Variants in EBF3 observed in about 807,000 individuals in gnomAD.
EBF3 encodes the protein EBF transcription factor 3.
A neutral mutation model predicts 77.1 loss-of-function variants in EBF3; 18 were observed. The ratio of observed to expected loss-of-function variants is 0.23; its 90% confidence interval spans 0.16 to 0.35. The LOEUF (loss-of-function observed/expected upper bound fraction) is 0.35. Among genes scored for constraint, EBF3 ranks in the 10% least tolerant of loss-of-function variants. The probability of loss-of-function intolerance (pLI) is 1.00; values close to 1 mark genes in which losing one functional copy is unlikely to be tolerated. For synonymous variants in EBF3, 350 were observed against 343.5 expected, an observed-to-expected ratio of 1.02 and a Z score of -0.21; for missense variants, 558 against 860.0, an observed-to-expected ratio of 0.65 and a Z score of 4.39.
intron 6 of EBF3, among the ~76,000 whole-genome samples, chr10:129,916,090 C>A (rs1855868666): frequency 6.6e-6 from 1 of 152,240 alleles, no homozygotes. Flanking sequence ...GGGACATGCC[C>A]CTCCAGCCAT....
At position 129,943,536 on chromosome 10, in the gene EBF3, T is replaced by C. The variant is rs1857944556; in HGVS notation, c.554+13722A>G. Among the ~76,000 whole-genome samples the C allele has an allele frequency of 6.6e-6, 1 of 152,180 alleles. No individual in the cohort carries two copies. Among genetic ancestry groups the C allele is most frequent in the African/African-American group, 2.4e-5 (1 of 41,442 alleles). On this transcript the variant is annotated intron_variant, in intron 6 of 16. Transcript: ENST00000440978. The surrounding 1 kb of genome is among the most constrained non-coding windows in gnomAD (Gnocchi z 8.8). ...TAATTTCTTTCAGCTGGACCTGGCCTCCAGCGCACTTGGATGCTAGGGATG... is the reference window on the plus strand; with the variant it reads ...TAATTTCTTTCAGCTGGACCTGGCCCCCAGCGCACTTGGATGCTAGGGATG...
chr10:129,925,604 A>AAAG (rs972175866), intron 6 of EBF3, among the ~76,000 whole-genome samples: 8 of 151,224 alleles, frequency 5.3e-5, no homozygotes, highest in Non-Finnish European at 8.8e-5. Context: ...AAAAAAAAAA[A>AAAG]AAAGAAAGAA....
intron 6 of EBF3, among the ~76,000 whole-genome samples, chr10:129,912,042 G>A (rs756932105): frequency 3.9e-5 from 6 of 152,322 alleles, no homozygotes; most frequent in Non-Finnish European, 4.4e-5. Flanking sequence ...GGGACTCCCC[G>A]TGAAGGAATG....
At chr10:129,954,616 C>G (rs944986698) in intron 6 of EBF3, among the ~76,000 whole-genome samples, 1 of 152,106 alleles carries the variant, frequency 6.6e-6, no homozygotes, top group Non-Finnish European at 1.5e-5. Flanking sequence ...GGGAGAGGCT[C>G]GGTGTGGGTT....
rs143982668 is a variant in EBF3, at chr10:129,928,133, C to T, written c.554+29125G>A. Among the ~76,000 whole-genome samples the T allele has an allele frequency of 3.1e-3, 474 of 152,294 alleles. 4 individuals carry two copies. Among genetic ancestry groups the T allele is most frequent in the African/African-American group, 0.011 (448 of 41,554 alleles). On this transcript the variant is annotated intron_variant, in intron 6 of 16. Transcript: ENST00000440978. Reference sequence around the variant, plus strand: ...CCGAGTAAAGAACAGTTCGGTCAGCCTCATGCGAAAACGACTCAGGCAGAA... The same window carrying T: ...CCGAGTAAAGAACAGTTCGGTCAGCTTCATGCGAAAACGACTCAGGCAGAA...
chr10:129,918,793 G>A (rs1333827377), intron 6 of EBF3, among the ~76,000 whole-genome samples: 1 of 152,204 alleles, frequency 6.6e-6, no homozygotes, highest in African/African-American at 2.4e-5. Flanking sequence ...GGCAGGGGTG[G>A]AATCAGGGGA....
rs148482104 is a variant in EBF3 at position 129,941,673 on chromosome 10, G to A, written c.554+15585C>T. ...GGAGATGGCCAGGGCAGTGAGCAGC[G>A]CTCCATCCCCAGGGCCTGGAGGCCA... is the stretch of plus-strand genomic sequence containing the variant. On this transcript the variant is annotated intron_variant, in intron 6 of 16. Coordinates refer to ENST00000440978, the MANE Select transcript of EBF3 (RefSeq NM_001375380.1). Among the ~76,000 whole-genome samples, 72 of 152,352 alleles carry A rather than the reference G, an allele frequency of 4.7e-4. 1 individual carries two copies. Among genetic ancestry groups the A allele is most frequent in the African/African-American group, 1.6e-3 (65 of 41,588 alleles).
At chr10:129,941,044 G>A (rs1589915754) in intron 6 of EBF3, among the ~76,000 whole-genome samples, 1 of 152,154 alleles carries the variant, frequency 6.6e-6, no homozygotes, top group South Asian at 2.1e-4. Flanking sequence ...CCAGGAACAC[G>A]TGAGGGAGAG....
At chr10:129,906,862 A>G (rs1158095146) in intron 6 of EBF3, among the ~76,000 whole-genome samples, 2 of 152,160 alleles carry the variant, frequency 1.3e-5, no homozygotes, top group Non-Finnish European at 2.9e-5. Flanking sequence ...AGGGAAAAAA[A>G]AAATTTCCCT....
Position 129,846,645 on chromosome 10 carries a change from C to T in EBF3, c.1128+1747G>A, listed in dbSNP as rs575337489. Among the ~76,000 whole-genome samples, 24 of 152,162 alleles carry T rather than the reference C, an allele frequency of 1.6e-4. No individual in the cohort carries two copies. In the East Asian group the frequency reaches 4.1e-3, roughly 26 times the overall value. On this transcript the variant is annotated intron_variant, in intron 11 of 16. Coordinates refer to ENST00000440978, the MANE Select transcript of EBF3 (RefSeq NM_001375380.1). Reference sequence around the variant, plus strand: ...AAGCAGCCTCAGATGGCTGGCTTAACCATGATGAATCGCTTGGCAGTTTAA... The same window carrying T: ...AAGCAGCCTCAGATGGCTGGCTTAATCATGATGAATCGCTTGGCAGTTTAA...
Position 129,861,661 on chromosome 10 carries a change from C to T in EBF3, c.1039+5480G>A, listed in dbSNP as rs1292349442. 2.6e-5 allele frequency among the ~76,000 whole-genome samples: 4 copies of T among 152,068 alleles called. No homozygotes were observed. The highest frequency in any genetic ancestry group is 4.4e-5 in the Non-Finnish European group (3 of 68,002). On this transcript the variant is annotated intron_variant, in intron 10 of 16. Transcript: ENST00000440978. The surrounding 1 kb of genome is among the most constrained non-coding windows in gnomAD (Gnocchi z 4.3). ...CAGGAGGGCCCACTGCAGACAGGAA[C>T]GAACAGTCAGCCACGGGGGGCCCCT...
Position 129,864,119 on chromosome 10 carries a change from G to T in EBF3, c.1039+3022C>A, listed in dbSNP as rs1461211688. Among the ~76,000 whole-genome samples, 19 of 152,116 alleles carry T rather than the reference G, an allele frequency of 1.2e-4. No individual in the cohort carries two copies. The highest frequency in any genetic ancestry group is 1.2e-3 in the Admixed American group (18 of 15,266). On this transcript the variant is annotated intron_variant, in intron 10 of 16. Coordinates refer to ENST00000440978, the MANE Select transcript of EBF3 (RefSeq NM_001375380.1). The surrounding 1 kb of genome is among the most constrained non-coding windows in gnomAD (Gnocchi z 4.4). ...GGGGCTGGAACTAAGGGGTCCACTG[G>T]TCCCTTAGTAGGAGGATATGAGACC...
intron 10 of EBF3, among the ~76,000 whole-genome samples, chr10:129,850,282 G>T (rs1850774385): frequency 6.6e-6 from 1 of 152,218 alleles, no homozygotes; most frequent in African/African-American, 2.4e-5. Context: ...ACAGGTGATA[G>T]ACGCTTTAAT....
rs1323299844 is a variant in EBF3, at chr10:129,873,651, CT to C, written c.637-56del. ...AATTGGCAAAGAAAAGCAGAGCCCC[CT>C]GTTAGGCAAAATACAAGCCATCTTA... On this transcript the variant is annotated intron_variant, in intron 7 of 16. Transcript: ENST00000440978. 6.3e-6 allele frequency: 9 copies of C among 1,436,938 alleles called. No homozygotes were observed. In the South Asian group the frequency reaches 7.9e-5, roughly 13 times the overall value. 89.0% of individuals were successfully genotyped at this position (1,436,938 alleles called of 1,614,324 possible).
At chr10:129,906,003 A>G (rs1469116401) in intron 6 of EBF3, among the ~76,000 whole-genome samples, 1 of 152,246 alleles carries the variant, frequency 6.6e-6, no homozygotes, top group African/African-American at 2.4e-5. Context: ...GGCCACAAGA[A>G]AAGAATGGTG....
chr10:129,924,850 G>T (rs1287491611), intron 6 of EBF3, among the ~76,000 whole-genome samples: 1 of 152,036 alleles, frequency 6.6e-6, no homozygotes, highest in Non-Finnish European at 1.5e-5. Flanking sequence ...AAAAAAATTT[G>T]TGAAGATGGA....
In EBF3 at chr10:129,943,904, G is replaced by A. The variant is rs563905939; in HGVS notation, c.554+13354C>T. 1.2e-4 allele frequency among the ~76,000 whole-genome samples: 19 copies of A among 152,308 alleles called. No individual in the cohort carries two copies. Among genetic ancestry groups the A allele is most frequent in the East Asian group, 5.8e-4 (3 of 5,178 alleles). ...CTTCGGCGCAGACCCAGCTGAAACC[G>A]TAAAATGCTCGGTAAAACCAGTCGC... On this transcript the variant is annotated intron_variant, in intron 6 of 16. Coordinates refer to ENST00000440978, the MANE Select transcript of EBF3 (RefSeq NM_001375380.1). The surrounding 1 kb of genome is among the most constrained non-coding windows in gnomAD (Gnocchi z 8.8).
intron 6 of EBF3, among the ~76,000 whole-genome samples, chr10:129,953,452 T>C (rs540365238): frequency 6.6e-5 from 9 of 136,726 alleles, no homozygotes; most frequent in South Asian, 2.3e-4. Context: ...TGAAAGAAAA[T>C]GGGATAAACA....
chr10:129,963,863 C>G lies in EBF3; in HGVS notation c.-95G>C. ...GCGGCAGGCGGCTGCCCTGGCCGCC[C>G]TCGCCCTGCTCGGCGCCTGCGGTCC... On this transcript the variant is annotated 5_prime_UTR_variant, in exon 1 of 17. Coordinates refer to ENST00000440978, the MANE Select transcript of EBF3 (RefSeq NM_001375380.1). This position sits in a 1 kb window ranked among gnomAD's most constrained non-coding sequence, Gnocchi z 7.1. The G allele has an allele frequency of 7.8e-7, 1 of 1,284,710 alleles. No individual in the cohort carries two copies. Among genetic ancestry groups the G allele is most frequent in the Non-Finnish European group, 9.9e-7 (1 of 1,008,700 alleles). 79.6% of individuals were successfully genotyped at this position (1,284,710 alleles called of 1,614,324 possible).
Sources: gnomAD v4.1 joint callset for allele counts (sites outside exome capture counted in the v4.1 genomes callset) on GRCh38, gnomAD v4.1.1 for gene constraint, Gnocchi (gnomAD v3.1) non-coding constraint, MANE v1.5 for transcripts, NCBI Gene and HGNC (gene_info 2026-07-23, HGNC 2026-07-21) for gene names.